FANCD2: variants seen among roughly 807,000 people sequenced by gnomAD.
FANCD2 encodes the protein FA complementation group D2.
In FANCD2, 131 loss-of-function variants were observed where a neutral mutation model predicts 192.3. That is an observed-to-expected ratio of 0.68 (90% CI 0.59 to 0.79). The LOEUF is 0.79. FANCD2 is among the 30% of genes least tolerant of loss of function. The pLI is 0.00. For missense variants in FANCD2, 1,508 were observed against 1,701.6 expected, an observed-to-expected ratio of 0.89 and a Z score of 2.00; for synonymous variants, 524 against 612.5, an observed-to-expected ratio of 0.86 and a Z score of 2.13.
At chr3:10,078,784 T>G (rs1418935689) in intron 30 of FANCD2, among the ~76,000 whole-genome samples, 1 of 146,564 alleles carries the variant, frequency 6.8e-6, no homozygotes, top group African/African-American at 2.5e-5. Flanking sequence ...GCCAACATGG[T>G]GAAACCCCAT....
At chr3:10,072,280 CTTT>C (rs547150617) in intron 26 of FANCD2, among the ~76,000 whole-genome samples, 94 of 139,344 alleles carry the variant, frequency 6.7e-4, no homozygotes, top group Middle Eastern at 3.7e-3. Context: ...ATACCTTTCC[CTTT>C]TTTTTTTTTT....
At chr3:10,074,732 A>T in intron 29 of FANCD2, 59 bp downstream of exon 29, 1 of 1,538,352 alleles carries the variant, frequency 6.5e-7, no homozygotes, top group South Asian at 1.1e-5. Flanking sequence ...CCTCAGGTCT[A>T]TTCTTATTTC....
At position 10,087,256 on chromosome 3, in the gene FANCD2, A is replaced by G. The variant is rs2125072958; in HGVS notation, c.3458A>G (p.Glu1153Gly). The G allele has an allele frequency of 4.3e-6, 7 of 1,612,702 alleles. No individual in the cohort carries two copies. Among genetic ancestry groups the G allele is most frequent in the Non-Finnish European group, 5.9e-6 (7 of 1,179,606 alleles). Residue 1153 changes from glutamate to glycine, a missense_variant, in exon 34 of 44, where the codon GAA (glutamate) becomes GGA (glycine). Physicochemically the swap from Glu to Gly is moderately conservative, Grantham distance 98. Coordinates refer to ENST00000675286, the MANE Select transcript of FANCD2 (RefSeq NM_001018115.3). ...EKSTASAQNK[E>G]KIASLARQFL... is the part of the protein sequence containing the mutation. Reference sequence around the variant, plus strand: ...TCAACAGCTTCTGCTCAGAACAAAGAAAAAATTGGTGATGGGCCTAGATCC... The same window carrying G: ...TCAACAGCTTCTGCTCAGAACAAAGGAAAAATTGGTGATGGGCCTAGATCC...
intron 3 of FANCD2, among the ~76,000 whole-genome samples, chr3:10,033,601 A>G (rs1222187141): frequency 6.6e-6 from 1 of 151,872 alleles, no homozygotes; most frequent in African/African-American, 2.4e-5. Context: ...AAAGCCATAT[A>G]AGATTCTGTT....
intron 26 of FANCD2, among the ~76,000 whole-genome samples, chr3:10,071,513 A>G (rs1303781696): frequency 6.6e-6 from 1 of 152,244 alleles, no homozygotes; most frequent in African/African-American, 2.4e-5. Flanking sequence ...GCCATAAAAA[A>G]CAATGAGATC....
At chr3:10,050,122 G>A (rs539794023) in intron 17 of FANCD2, among the ~76,000 whole-genome samples, 1 of 152,258 alleles carries the variant, frequency 6.6e-6, no homozygotes, top group East Asian at 1.9e-4. Context: ...AGACAATAAG[G>A]AGCTATTACT....
chr3:10,039,572 T>C lies in FANCD2; in HGVS notation c.571-149T>C, dbSNP rs575442418. On this transcript the variant is annotated intron_variant, in intron 8 of 43. Coordinates refer to ENST00000675286, the MANE Select transcript of FANCD2 (RefSeq NM_001018115.3). ...GAGTAGATATCATTTATTAAATAAA[T>C]TAAATATTTGGGAAGATTCTTTTTC... is the stretch of plus-strand genomic sequence containing the variant. 1.6e-5 allele frequency: 15 copies of C among 942,382 alleles called. No homozygotes were observed. In the East Asian group the frequency reaches 1.9e-4, roughly 12 times the overall value. The allele number at this position is 942,382 out of a possible 1,614,324, so 58.4% of individuals were successfully genotyped here.
intron 32 of FANCD2, among the ~76,000 whole-genome samples, chr3:10,081,831 C>T (rs1009714473): frequency 6.6e-6 from 1 of 152,060 alleles, no homozygotes; most frequent in African/African-American, 2.4e-5. Context: ...CAGTGGGACT[C>T]AAGGGAACCC....
chr3:10,042,174 G>A (rs2086881718), intron 10 of FANCD2, among the ~76,000 whole-genome samples: 1 of 152,086 alleles, frequency 6.6e-6, no homozygotes, highest in African/African-American at 2.4e-5. Context: ...GGGATTACAG[G>A]CTTGAGCCAC....
In FANCD2 at chr3:10,081,096, A is replaced by G; in HGVS notation, c.2977-4A>G. On this transcript the variant is annotated splice_region_variant and splice_polypyrimidine_tract_variant and intron_variant, in intron 30 of 43. Transcript: ENST00000675286. ...CTTCACTCATAACTCTGCATTTATT[A>G]TAGAACAAAGGAAGCCGGAATATTG... 5 of 1,614,154 alleles carry G rather than the reference A, an allele frequency of 3.1e-6. No individual in the cohort carries two copies. Among genetic ancestry groups the G allele is most frequent in the Admixed American group, 3.3e-5 (2 of 60,024 alleles).
At position 10,094,283 on chromosome 3, in the gene FANCD2, C is replaced by A; in HGVS notation, c.3889-6C>A. On this transcript the variant is annotated splice_polypyrimidine_tract_variant and splice_region_variant and intron_variant, in intron 39 of 43. Coordinates refer to ENST00000675286, the MANE Select transcript of FANCD2 (RefSeq NM_001018115.3). Reference sequence around the variant, plus strand: ...CTAGAGGTAACAGTGTGTCTCTCTTCTTCAGTATGGGCGTCTCTTTGTGGA... The same window carrying A: ...CTAGAGGTAACAGTGTGTCTCTCTTATTCAGTATGGGCGTCTCTTTGTGGA... 6.2e-7 allele frequency: 1 copy of A among 1,613,390 alleles called. No homozygotes were observed. Among genetic ancestry groups the A allele is most frequent in the Middle Eastern group, 1.7e-4 (1 of 6,058 alleles).
intron 26 of FANCD2, among the ~76,000 whole-genome samples, chr3:10,069,493 C>CCG (rs1192186972): frequency 6.7e-5 from 9 of 134,502 alleles, no homozygotes; most frequent in African/African-American, 2.8e-4. Flanking sequence ...CCCCCTCTCC[C>CCG]GTCTCCCTCT....
intron 42 of FANCD2, 43 bp downstream of exon 42, chr3:10,096,515 C>T (rs1694976010): frequency 5.0e-6 from 8 of 1,594,050 alleles, no homozygotes; most frequent in African/African-American, 1.3e-5. Flanking sequence ...TACTCTTATT[C>T]TTTGTGACAG....
In FANCD2 at chr3:10,065,471, T is replaced by C. The variant is rs1426222284; in HGVS notation, c.2246T>C (p.Leu749Ser). The change falls in exon 24 of 44, where the codon TTG becomes TCG. Residue 749 changes from leucine (L) to serine (S), a missense_variant. Coordinates refer to ENST00000675286, the MANE Select transcript of FANCD2 (RefSeq NM_001018115.3). ...LCVERQHNGN[L>S]EEIDGLLDCP... ...GTGGAGAGACAGCATAACGGAAACT[T>C]GGAGGAGATTGATGGTCTACTAGGT... 1 of 1,611,944 alleles carries C rather than the reference T, an allele frequency of 6.2e-7. No homozygotes were observed. The highest frequency in any genetic ancestry group is 1.3e-5 in the African/African-American group (1 of 74,874).
At chr3:10,062,920 C>G (rs1397048990) in intron 20 of FANCD2, among the ~76,000 whole-genome samples, 1 of 152,000 alleles carries the variant, frequency 6.6e-6, no homozygotes, top group Non-Finnish European at 1.5e-5. Context: ...AGGCTGGTCT[C>G]AAACTCCTGA....
At chr3:10,096,271 T>C in intron 41 of FANCD2, 55 bp from the exon 42 acceptor site, 2 of 1,580,612 alleles carry the variant, frequency 1.3e-6, no homozygotes, top group Non-Finnish European at 8.7e-7. Flanking sequence ...CTATAAGAAA[T>C]GTGAAGGCAT....
At chr3:10,035,931 AT>A (rs1358498758) in intron 6 of FANCD2, among the ~76,000 whole-genome samples, 1 of 152,100 alleles carries the variant, frequency 6.6e-6, no homozygotes. Flanking sequence ...CTTGATAATC[AT>A]TTTCAGTTTT....
At position 10,096,263 on chromosome 3, in the gene FANCD2, A is replaced by G. The variant is rs1009506001; in HGVS notation, c.4039-63A>G. 9.0e-6 allele frequency: 14 copies of G among 1,553,260 alleles called. No individual in the cohort carries two copies. The East Asian group carries it at 1.3e-4, about 15-fold the overall frequency. ...TCTTATTCAACATTCAAAGGTTTCT[A>G]TAAGAAATGTGAAGGCATGATGATA... On this transcript the variant is annotated intron_variant, in intron 41 of 43. Coordinates refer to ENST00000675286, the MANE Select transcript of FANCD2 (RefSeq NM_001018115.3).
chr3:10,089,336 C>T lies in FANCD2; in HGVS notation c.3683+386C>T, dbSNP rs551554725. ...CTGTCCAACGTATATAGCTTCCACA[C>T]AACTGCCTTGCTCCTCCTCATCTAA... On this transcript the variant is annotated intron_variant, in intron 36 of 43. Coordinates refer to ENST00000675286, the MANE Select transcript of FANCD2 (RefSeq NM_001018115.3). Among the ~76,000 whole-genome samples the T allele has an allele frequency of 2.0e-3, 305 of 152,052 alleles. 1 individual carries two copies. The highest frequency in any genetic ancestry group is 3.0e-3 in the Non-Finnish European group (201 of 67,992).
Sources: allele counts gnomAD v4.1 joint callset (sites outside exome capture counted in the v4.1 genomes callset), GRCh38; gene constraint gnomAD v4.1.1; transcripts MANE v1.5; gene names NCBI Gene and HGNC (gene_info 2026-07-23, HGNC 2026-07-21).